Variants in AGBL2 observed in about 807,000 individuals in gnomAD.
AGBL2 encodes cytosolic carboxypeptidase 2.
Under a neutral mutation model 103.0 loss-of-function variants are expected in AGBL2, and 87 were observed. The observed-to-expected ratio is 0.84, with a 90% CI of 0.71 to 1.01. The LOEUF (loss-of-function observed/expected upper bound fraction) is 1.01. Among genes scored for constraint, AGBL2 ranks in the 50% least tolerant of loss-of-function variants. The pLI is 0.00. For synonymous variants in AGBL2, 335 were observed against 356.7 expected, an observed-to-expected ratio of 0.94 and a Z score of 0.69; for missense variants, 904 against 1,023.5, an observed-to-expected ratio of 0.88 and a Z score of 1.59.
Position 47,704,545 on chromosome 11 carries a change from A to G in AGBL2, c.584T>C (p.Ile195Thr). 1.2e-6 allele frequency: 2 copies of G among 1,612,428 alleles called. No individual in the cohort carries two copies. Among genetic ancestry groups the G allele is most frequent in the South Asian group, 2.2e-5 (2 of 90,828 alleles). The change falls in exon 7 of 19, where the codon ATT becomes ACT. Residue 195 changes from isoleucine (I) to threonine (T), a missense_variant and splice_region_variant. Coordinates refer to ENST00000525123, the MANE Select transcript of AGBL2 (RefSeq NM_024783.4). ...CEVIKENIHH[I>T]EWAPPQPEYF... Reference sequence around the variant, plus strand: ...CCACTGTGAGTAAGTCATATTACCAATATGATGGATGTTTTCCTTGATGAC... The same window carrying G: ...CCACTGTGAGTAAGTCATATTACCAGTATGATGGATGTTTTCCTTGATGAC...
chr11:47,694,613 T>C (rs2097460125), intron 8 of AGBL2, among the ~76,000 whole-genome samples: 1 of 152,194 alleles, frequency 6.6e-6, no homozygotes, highest in Non-Finnish European at 1.5e-5. Flanking sequence ...TAGATGCAGA[T>C]GGCACCTGGA....
intron 8 of AGBL2, among the ~76,000 whole-genome samples, chr11:47,694,903 C>T (rs1266496048): frequency 6.6e-6 from 1 of 152,136 alleles, no homozygotes; most frequent in South Asian, 2.1e-4. Flanking sequence ...AATCCCAGCA[C>T]TTTGGGAGGC....
chr11:47,689,733 C>T (rs2097437662), intron 10 of AGBL2, among the ~76,000 whole-genome samples: 1 of 152,166 alleles, frequency 6.6e-6, no homozygotes, highest in Non-Finnish European at 1.5e-5. Flanking sequence ...CATGCATACA[C>T]ATTTACTAAT....
intron 13 of AGBL2, among the ~76,000 whole-genome samples, chr11:47,678,017 A>G (rs1242802653): frequency 2.0e-5 from 3 of 151,188 alleles, no homozygotes; most frequent in African/African-American, 2.4e-5. Context: ...AGGCTGGAGT[A>G]CAGTGGCGTG....
At chr11:47,661,257 A>G (rs1245198906) in intron 18 of AGBL2, among the ~76,000 whole-genome samples, 3 of 152,134 alleles carry the variant, frequency 2.0e-5, no homozygotes, top group Non-Finnish European at 4.4e-5. Flanking sequence ...TCATGGTTAT[A>G]TGTTACAACC....
chr11:47,714,355 A>G lies in AGBL2; in HGVS notation c.34-8T>C. Reference sequence around the variant, plus strand: ...ATAAGGATCAGGAATAGTCTGTGAAAGGAAAGGCCACTTCAATCAAGATAA... The same window carrying G: ...ATAAGGATCAGGAATAGTCTGTGAAGGGAAAGGCCACTTCAATCAAGATAA... On this transcript the variant is annotated splice_polypyrimidine_tract_variant and splice_region_variant and intron_variant, in intron 2 of 18. Transcript: ENST00000525123. 1.2e-6 allele frequency: 2 copies of G among 1,611,372 alleles called. No homozygotes were observed. Among genetic ancestry groups the G allele is most frequent in the Non-Finnish European group, 1.7e-6 (2 of 1,177,924 alleles).
intron 8 of AGBL2, 105 bp downstream of exon 8, chr11:47,699,341 T>C (rs2097489105): frequency 3.2e-6 from 2 of 620,428 alleles, no homozygotes; most frequent in Admixed American, 3.6e-5. Context: ...TGGAAAAGAG[T>C]TTACCACTAA....
chr11:47,701,078 C>A (rs943284518), intron 7 of AGBL2, among the ~76,000 whole-genome samples: 1 of 151,052 alleles, frequency 6.6e-6, no homozygotes, highest in African/African-American at 2.4e-5. Flanking sequence ...AAACAAACAA[C>A]CAATAAGGTG....
At chr11:47,687,444 A>G (rs1289926617) in intron 10 of AGBL2, among the ~76,000 whole-genome samples, 1 of 152,076 alleles carries the variant, frequency 6.6e-6, no homozygotes, top group Non-Finnish European at 1.5e-5. Flanking sequence ...GTTATCAATT[A>G]TTCATTGAAA....
At chr11:47,709,742 C>A (rs1232108462) in intron 4 of AGBL2, among the ~76,000 whole-genome samples, 3 of 151,950 alleles carry the variant, frequency 2.0e-5, no homozygotes, top group East Asian at 1.9e-4. Flanking sequence ...CACCTGCCAC[C>A]ATGCCCAGCT....
rs766554411 is a variant in AGBL2 at position 47,690,306 on chromosome 11, A to T, written c.1401T>A (p.Asn467Lys). ...AAAAGCCTTTCATAACCCAGGAGCC[A>T]TTACTTTCTCCAGGGTGAACTCTGG... Reference protein sequence around the residue: ...LSARVHPGESNGSWVMKGFLD... With the variant: ...LSARVHPGESKGSWVMKGFLD... Residue 467 changes from asparagine (N) to lysine (K), a missense_variant, in exon 10 of 19, where the codon AAT becomes AAA. Asn to Lys is a moderately conservative substitution (Grantham distance 94). Transcript: ENST00000525123. 6.2e-7 allele frequency: 1 copy of T among 1,613,604 alleles called. No homozygotes were observed. Among genetic ancestry groups the T allele is most frequent in the African/African-American group, 1.3e-5 (1 of 74,864 alleles).
rs781494422 is a variant in AGBL2 at position 47,690,075 on chromosome 11, C to T, written c.1631+1G>A. ...AAAGATCAACAGATAAAAAGTCTCA[C>T]CTTTTGATCATGTTCCTGGTGTACC... On this transcript the variant is annotated splice_donor_variant, in intron 10 of 18. Transcript: ENST00000525123. LOFTEE classifies it high-confidence loss of function. 6.3e-7 allele frequency: 1 copy of T among 1,598,912 alleles called. No homozygotes were observed. The highest frequency in any genetic ancestry group is 8.5e-7 in the Non-Finnish European group (1 of 1,174,292).
In AGBL2 at chr11:47,686,046, A is replaced by G. The variant is rs747747001; in HGVS notation, c.1635T>C (p.Leu545=). Residue 545 remains leucine (L), a synonymous_variant, in exon 11 of 19, where the codon CTT becomes CTC. Transcript: ENST00000525123. ...IWYTRNMIKR[L]LEEREVLLYC... ...ACAACAGAACCTCTCTTTCTTCAAG[A>G]AGTCTATTGAGGGGGCAAACAAAGG... 3.7e-6 allele frequency: 6 copies of G among 1,613,730 alleles called. No individual in the cohort carries two copies. In the African/African-American group the frequency reaches 6.7e-5, roughly 18 times the overall value.
chr11:47,659,940 T>C lies in AGBL2; in HGVS notation c.*233A>G. 1 of 397,782 alleles carries C rather than the reference T, an allele frequency of 2.5e-6. No homozygotes were observed. Among genetic ancestry groups the C allele is most frequent in the Non-Finnish European group, 4.4e-6 (1 of 226,664 alleles). 24.6% of individuals were successfully genotyped at this position (397,782 alleles called of 1,614,324 possible). On this transcript the variant is annotated 3_prime_UTR_variant, in exon 19 of 19. Coordinates refer to ENST00000525123, the MANE Select transcript of AGBL2 (RefSeq NM_024783.4). Reference sequence around the variant, plus strand: ...ACACACTTCAGTTTCTGATAAAGCATTTTTACACATCATAATAAAATTTCA... The same window carrying C: ...ACACACTTCAGTTTCTGATAAAGCACTTTTACACATCATAATAAAATTTCA...
chr11:47,712,192 G>C (rs2097538093), intron 3 of AGBL2, among the ~76,000 whole-genome samples: 1 of 152,194 alleles, frequency 6.6e-6, no homozygotes, highest in Admixed American at 6.5e-5. Context: ...GTGGAAGATA[G>C]AAGTCTGTTC....
At chr11:47,704,257 G>A (rs543002013) in intron 7 of AGBL2, among the ~76,000 whole-genome samples, 3 of 152,056 alleles carry the variant, frequency 2.0e-5, no homozygotes, top group East Asian at 1.9e-4. Context: ...CAAGGTGGGC[G>A]GATCACGAGG....
Position 47,660,129 on chromosome 11 carries a change from C to A in AGBL2, c.*44G>T. ...CCCCATTATAAAATGTGTCTAATCTCAAAACCCCCGATGAAGTGCTTGTGT... is the reference window on the plus strand; with the variant it reads ...CCCCATTATAAAATGTGTCTAATCTAAAAACCCCCGATGAAGTGCTTGTGT... On this transcript the variant is annotated 3_prime_UTR_variant, in exon 19 of 19. Transcript: ENST00000525123. 1 of 1,563,820 alleles carries A rather than the reference C, an allele frequency of 6.4e-7. No homozygotes were observed. The highest frequency in any genetic ancestry group is 1.2e-5 in the South Asian group (1 of 83,808).
chr11:47,687,596 T>C (rs142635306), intron 10 of AGBL2, among the ~76,000 whole-genome samples: 138 of 151,710 alleles, frequency 9.1e-4, no homozygotes, highest in African/African-American at 3.2e-3. Context: ...TTATTCTCTC[T>C]CTCCTACTCC....
intron 17 of AGBL2, 78 bp from the exon 18 acceptor site, chr11:47,663,190 G>T: frequency 2.3e-6 from 2 of 863,862 alleles, no homozygotes; most frequent in Non-Finnish European, 3.6e-6. Context: ...TTATTCATTT[G>T]TTTCTTATTC....
Sources: gnomAD v4.1 joint callset for allele counts (sites outside exome capture counted in the v4.1 genomes callset) on GRCh38, gnomAD v4.1.1 for gene constraint, MANE v1.5 for transcripts, NCBI Gene and HGNC (gene_info 2026-07-23, HGNC 2026-07-21) for gene names.